Variants in SMARCA2 observed in about 807,000 individuals in gnomAD.
The protein encoded by SMARCA2 is SWI/SNF related BAF chromatin remodeling complex subunit ATPase 2, also known as SWI/SNF-related matrix-associated actin-dependent regulator of chromatin subfamily A member 2.
Under a neutral mutation model 199.8 loss-of-function variants are expected in SMARCA2, and 61 were observed. That is an observed-to-expected ratio of 0.31 (90% confidence interval 0.25 to 0.38). The LOEUF is 0.38. Among genes scored for constraint, SMARCA2 ranks in the 10% least tolerant of loss-of-function variants. The pLI is 1.00. For synonymous variants in SMARCA2, 935 were observed against 732.0 expected (o/e 1.28, Z -4.48); for missense variants, 1,344 against 2,012.2 (o/e 0.67, Z 6.35).
Position 2,161,597 on chromosome 9 carries a change from T to G in SMARCA2, c.3982-89T>G. ...TTAATTTCTTTCATTTTATTCTAAT[T>G]GTTGGAGCTATATATAAATATACAC... On this transcript the variant is annotated intron_variant, in intron 27 of 33. Coordinates refer to ENST00000349721, the MANE Select transcript of SMARCA2 (RefSeq NM_003070.5). This position sits in a 1 kb window ranked among gnomAD's most constrained non-coding sequence, Gnocchi z 4.7. The G allele has an allele frequency of 1.2e-6, 1 of 838,418 alleles. No homozygotes were observed. 51.9% of individuals were successfully genotyped at this position (838,418 alleles called of 1,614,324 possible). A position where few individuals can be genotyped will look rare whatever the true frequency, so the allele number is the denominator to read the frequency against.
intron 27 of SMARCA2, among the ~76,000 whole-genome samples, chr9:2,149,740 C>G (rs1311569738): frequency 6.6e-6 from 1 of 151,424 alleles, no homozygotes; most frequent in Non-Finnish European, 1.5e-5. Flanking sequence ...CACCTTTGTT[C>G]TTATTTTTTT....
rs1826203488 is a variant in SMARCA2 at position 2,170,728 on chromosome 9, G to A, written c.4253+256G>A. Among the ~76,000 whole-genome samples, 3 of 152,174 alleles carry A rather than the reference G, an allele frequency of 2.0e-5. No homozygotes were observed. Among genetic ancestry groups the A allele is most frequent in the Admixed American group, 2.0e-4 (3 of 15,276 alleles). On this transcript the variant is annotated intron_variant, in intron 29 of 33. Transcript: ENST00000349721. The surrounding 1 kb of genome is among the most constrained non-coding windows in gnomAD (Gnocchi z 4.7). Reference sequence around the variant, plus strand: ...CTTACAAGGGTATTGGGAGCTCCTGGAAAGCCCGCCCTAACTGCAGCATCT... The same window carrying A: ...CTTACAAGGGTATTGGGAGCTCCTGAAAAGCCCGCCCTAACTGCAGCATCT...
chr9:2,047,305 C>A lies in SMARCA2; in HGVS notation c.867C>A (p.Pro289=). The part of the protein sequence containing the change: ...PVPAPGGRPS[P]APPAAAQPPA... ...CCGCGCCCGGCGGCCGGCCCTCGCC[C>A]GCGCCCCCCGCAGCCGCGCAGCCGC... is the stretch of plus-strand genomic sequence containing the variant. Residue 289 remains proline (P), a synonymous_variant, in exon 5 of 34, where the codon CCC becomes CCA. Coordinates refer to ENST00000349721, the MANE Select transcript of SMARCA2 (RefSeq NM_003070.5). 2.0e-6 allele frequency: 2 copies of A among 1,001,196 alleles called. No homozygotes were observed. Among genetic ancestry groups the A allele is most frequent in the Non-Finnish European group, 2.4e-6 (2 of 839,112 alleles). The allele number at this position is 1,001,196 out of a possible 1,614,324, so 62.0% of individuals were successfully genotyped here. A position where few individuals can be genotyped will look rare whatever the true frequency, so the allele number is the denominator to read the frequency against.
At chr9:2,032,672 C>T (rs894543701) in intron 2 of SMARCA2, 3 of 259,198 alleles carry the variant, frequency 1.2e-5, no homozygotes, top group Admixed American at 1.1e-4. Flanking sequence ...ATTTGTCTAC[C>T]TTGTGACCAG....
At chr9:2,035,366 G>C (rs926601313) in intron 3 of SMARCA2, among the ~76,000 whole-genome samples, 1 of 152,168 alleles carries the variant, frequency 6.6e-6, no homozygotes, top group South Asian at 2.1e-4. Flanking sequence ...TTTAATACCT[G>C]GGAGGTATAG....
At chr9:2,046,457 T>G (rs1441128526) in intron 4 of SMARCA2, among the ~76,000 whole-genome samples, 1 of 152,134 alleles carries the variant, frequency 6.6e-6, no homozygotes, top group Non-Finnish European at 1.5e-5. Context: ...AGATTTTTTT[T>G]GGCTAACAAT....
At chr9:2,025,014 C>T (rs1818764376) in intron 1 of SMARCA2, among the ~76,000 whole-genome samples, 1 of 151,998 alleles carries the variant, frequency 6.6e-6, no homozygotes, top group South Asian at 2.1e-4. Context: ...GGAGTGGTGA[C>T]CCTTAAAATT....
chr9:2,071,923 T>C (rs1403765643), intron 10 of SMARCA2: 1 of 152,216 alleles, frequency 6.6e-6, no homozygotes, highest in African/African-American at 2.4e-5. Flanking sequence ...TTCAAAACCA[T>C]TGCTTTAGCA....
chr9:2,169,022 C>G lies in SMARCA2; in HGVS notation c.4200-1397C>G. On this transcript the variant is annotated intron_variant, in intron 28 of 33. Transcript: ENST00000349721. This position sits in a 1 kb window ranked among gnomAD's most constrained non-coding sequence, Gnocchi z 6.5. ...TCGGAGATGACATGGTCTACTTAAG[C>G]TTCTGTGTCTCCTTGGTCAGCACCA... Among the ~76,000 whole-genome samples, 1 of 152,350 alleles carries G rather than the reference C, an allele frequency of 6.6e-6. No individual in the cohort carries two copies. The highest frequency in any genetic ancestry group is 1.5e-5 in the Non-Finnish European group (1 of 68,036).
chr9:2,172,328 C>T (rs1419911723), intron 29 of SMARCA2, among the ~76,000 whole-genome samples: 1 of 151,390 alleles, frequency 6.6e-6, no homozygotes, highest in Non-Finnish European at 1.5e-5. Flanking sequence ...ATGAATGACA[C>T]ATATACACAG....
rs540161499 is a variant in SMARCA2 at position 2,167,497 on chromosome 9, C to T, written c.4200-2922C>T. Among the ~76,000 whole-genome samples the T allele has an allele frequency of 9.8e-5, 15 of 152,316 alleles. No individual in the cohort carries two copies. The South Asian group carries it at 3.1e-3, about 32-fold the overall frequency. ...GGATGCAGCAAAGTGATGGAGGAGG[C>T]AGGAGATACCTGCCTGGTCAGTGCC... On this transcript the variant is annotated intron_variant, in intron 28 of 33. Transcript: ENST00000349721.
chr9:2,168,153 G>C (rs1392461147), intron 28 of SMARCA2, among the ~76,000 whole-genome samples: 1 of 151,214 alleles, frequency 6.6e-6, no homozygotes, highest in Non-Finnish European at 1.5e-5. Context: ...CTGGGATTAT[G>C]GGCGTGCACC....
intron 17 of SMARCA2, chr9:2,085,796 T>C (rs1821777181): frequency 6.6e-6 from 1 of 152,228 alleles, no homozygotes; most frequent in Admixed American, 6.5e-5. Flanking sequence ...TCTAGGAGCT[T>C]TGCAGCAGGA....
chr9:2,181,492 A>T lies in SMARCA2; in HGVS notation c.4254-79A>T, dbSNP rs1344510375. On this transcript the variant is annotated intron_variant, in intron 29 of 33. Transcript: ENST00000349721. ...GTGGAATATAATTTACTTTGTTGAC[A>T]TGTTCTGAAATAAAAATAAAACCTT... 5 of 770,892 alleles carry T rather than the reference A, an allele frequency of 6.5e-6. No individual in the cohort carries two copies. In the East Asian group the frequency reaches 9.9e-5, roughly 15 times the overall value. 47.8% of individuals were successfully genotyped at this position (770,892 alleles called of 1,614,324 possible).
Position 2,123,624 on chromosome 9 carries a change from C to G in SMARCA2, c.3763-95C>G, listed in dbSNP as rs1823559887. ...AGAGAGGTTGAAAGGGACCCTGCAG[C>G]CATAGGAAGTGACTTGGGGAAGTTG... On this transcript the variant is annotated intron_variant, in intron 26 of 33. Coordinates refer to ENST00000349721, the MANE Select transcript of SMARCA2 (RefSeq NM_003070.5). This position sits in a 1 kb window ranked among gnomAD's most constrained non-coding sequence, Gnocchi z 4.1. 3 of 1,051,776 alleles carry G rather than the reference C, an allele frequency of 2.9e-6. No individual in the cohort carries two copies. Among genetic ancestry groups the G allele is most frequent in the Non-Finnish European group, 4.4e-6 (3 of 688,266 alleles). 65.2% of individuals were successfully genotyped at this position (1,051,776 alleles called of 1,614,324 possible).
intron 28 of SMARCA2, among the ~76,000 whole-genome samples, chr9:2,165,646 C>T (rs1825896776): frequency 6.6e-6 from 1 of 152,144 alleles, no homozygotes; most frequent in Non-Finnish European, 1.5e-5. Context: ...TTTAAAAACT[C>T]ATATTCTCAA....
At chr9:2,068,228 G>C (rs1820930358) in intron 9 of SMARCA2, among the ~76,000 whole-genome samples, 1 of 152,172 alleles carries the variant, frequency 6.6e-6, no homozygotes, top group South Asian at 2.1e-4. Context: ...CACTAGCTTA[G>C]ATGTAGAGCC....
chr9:2,146,792 C>G (rs896873053), intron 27 of SMARCA2, among the ~76,000 whole-genome samples: 2 of 152,112 alleles, frequency 1.3e-5, no homozygotes, highest in African/African-American at 4.8e-5. Context: ...CATTTGTAAA[C>G]TGTCATGGCT....
At chr9:2,070,373 C>G (rs370906119) in intron 9 of SMARCA2, 45 bp from the exon 10 acceptor site, 1 of 1,533,102 alleles carries the variant, frequency 6.5e-7, no homozygotes, top group Non-Finnish European at 9.0e-7. Flanking sequence ...GTCCTGTACC[C>G]CATCATCTTG....
Sources: allele counts gnomAD v4.1 joint callset (sites outside exome capture counted in the v4.1 genomes callset), GRCh38; gene constraint gnomAD v4.1.1; non-coding constraint Gnocchi (gnomAD v3.1); transcripts MANE v1.5; gene names NCBI Gene and HGNC (gene_info 2026-07-23, HGNC 2026-07-21).